Variants in GRIN2B observed in about 807,000 individuals in gnomAD.
GRIN2B encodes glutamate receptor ionotropic, NMDA 2B.
In GRIN2B, 5 loss-of-function variants were observed where a neutral mutation model predicts 114.5. The ratio of observed to expected loss-of-function variants is 0.04; its 90% CI spans 0.02 to 0.09. The LOEUF is 0.09. Ranked by LOEUF, GRIN2B falls within the 10% of genes least tolerant of loss-of-function variation. The probability of loss-of-function intolerance (pLI) is 1.00; values close to 1 mark genes in which losing one functional copy is unlikely to be tolerated. For missense variants in GRIN2B, 1,108 were observed against 1,943.5 expected, an observed-to-expected ratio of 0.57 and a Z score of 8.08; for synonymous variants, 787 against 745.1, an observed-to-expected ratio of 1.06 and a Z score of -0.92.
intron 2 of GRIN2B, among the ~76,000 whole-genome samples, chr12:13,878,406 G>C (rs1397429068): frequency 6.6e-6 from 1 of 152,200 alleles, no homozygotes; most frequent in African/African-American, 2.4e-5. Flanking sequence ...GGGGCCACGG[G>C]TGGTGGTAGC....
chr12:13,884,610 C>A (rs1866123874), intron 2 of GRIN2B, among the ~76,000 whole-genome samples: 1 of 152,046 alleles, frequency 6.6e-6, no homozygotes, highest in Non-Finnish European at 1.5e-5. Flanking sequence ...TCCAATAACA[C>A]TGGCTAGGAC....
chr12:13,922,395 C>T (rs1336573064), intron 2 of GRIN2B, among the ~76,000 whole-genome samples: 1 of 152,134 alleles, frequency 6.6e-6, no homozygotes, highest in African/African-American at 2.4e-5. Flanking sequence ...GTCTTCCAAA[C>T]TGAATTGTTA....
chr12:13,759,002 T>G (rs1342168439), intron 3 of GRIN2B, among the ~76,000 whole-genome samples: 2 of 102,768 alleles, frequency 1.9e-5, no homozygotes, highest in African/African-American at 3.2e-5. Flanking sequence ...AGTTCAATTT[T>G]TTTTTTTTTT....
intron 4 of GRIN2B, among the ~76,000 whole-genome samples, chr12:13,733,469 G>A (rs773954946): frequency 6.6e-6 from 1 of 152,068 alleles, no homozygotes; most frequent in African/African-American, 2.4e-5. Context: ...ACTGAGGCAA[G>A]GAGAATATAA....
chr12:13,672,155 T>C (rs1950028371), intron 5 of GRIN2B, among the ~76,000 whole-genome samples: 1 of 152,130 alleles, frequency 6.6e-6, no homozygotes. Context: ...CAAGGAGATT[T>C]TGCAGTCCCA....
intron 3 of GRIN2B, among the ~76,000 whole-genome samples, chr12:13,860,784 T>C (rs1291427705): frequency 3.3e-5 from 5 of 152,208 alleles, no homozygotes; most frequent in Non-Finnish European, 7.3e-5. Flanking sequence ...ATCCTGACCC[T>C]TTACTCAGCA....
intron 4 of GRIN2B, among the ~76,000 whole-genome samples, chr12:13,751,885 G>C (rs1314549087): frequency 6.6e-6 from 1 of 152,144 alleles, no homozygotes; most frequent in African/African-American, 2.4e-5. Context: ...CATAAAACAG[G>C]AGTGTGCTAA....
At chr12:13,965,727 C>G (rs1451326269) in intron 2 of GRIN2B, among the ~76,000 whole-genome samples, 1 of 152,078 alleles carries the variant, frequency 6.6e-6, no homozygotes, top group Non-Finnish European at 1.5e-5. Flanking sequence ...ATTTCCTAAT[C>G]ATCTTTTCTA....
chr12:13,947,208 C>G (rs1398394657), intron 2 of GRIN2B, among the ~76,000 whole-genome samples: 1 of 152,174 alleles, frequency 6.6e-6, no homozygotes. Context: ...ACACTTTAGA[C>G]CTGTTGCTTT....
At chr12:13,963,887 A>G (rs1867742881) in intron 2 of GRIN2B, among the ~76,000 whole-genome samples, 1 of 152,226 alleles carries the variant, frequency 6.6e-6, no homozygotes, top group South Asian at 2.1e-4. Flanking sequence ...CTTGGCACCC[A>G]GGACAAAATA....
chr12:13,668,811 T>A (rs1949999069), intron 5 of GRIN2B, among the ~76,000 whole-genome samples: 1 of 151,834 alleles, frequency 6.6e-6, no homozygotes, highest in Non-Finnish European at 1.5e-5. Context: ...GTTTTGTTTT[T>A]CCCAGCCACC....
chr12:13,549,092 C>A lies in GRIN2B; in HGVS notation c.*13691G>T, dbSNP rs1462841674. The A allele has an allele frequency of 1.3e-5, 2 of 152,066 alleles. No homozygotes were observed. The highest frequency in any genetic ancestry group is 4.8e-5 in the African/African-American group (2 of 41,404). The allele number at this position is 152,066 out of a possible 1,614,324, so 9.4% of individuals were successfully genotyped here. A position where few individuals can be genotyped will look rare whatever the true frequency, so the allele number is the denominator to read the frequency against. On this transcript the variant is annotated 3_prime_UTR_variant, in exon 14 of 14. Coordinates refer to ENST00000609686, the MANE Select transcript of GRIN2B (RefSeq NM_000834.5). ...AGCATAATGCTGTGAGCCAAAATTTCTTCTGCAGCCCAAACTAAAGATACT... is the reference window on the plus strand; with the variant it reads ...AGCATAATGCTGTGAGCCAAAATTTATTCTGCAGCCCAAACTAAAGATACT...
intron 2 of GRIN2B, among the ~76,000 whole-genome samples, chr12:13,873,969 G>A (rs1591596958): frequency 6.6e-6 from 1 of 152,194 alleles, no homozygotes; most frequent in East Asian, 1.9e-4. Context: ...ATGGGAGAGA[G>A]GGAAAAGACA....
At chr12:13,955,712 A>G (rs189344485) in intron 2 of GRIN2B, among the ~76,000 whole-genome samples, 222 of 152,270 alleles carry the variant, frequency 1.5e-3, no homozygotes, top group African/African-American at 5.2e-3. Context: ...ATGGCATACA[A>G]TACTTTGAAA....
intron 11 of GRIN2B, among the ~76,000 whole-genome samples, chr12:13,570,444 T>C (rs1467655149): frequency 2.6e-5 from 4 of 152,208 alleles, no homozygotes; most frequent in Non-Finnish European, 5.9e-5. Flanking sequence ...TGTAGGTGTT[T>C]GTGTTTCAAT....
intron 3 of GRIN2B, among the ~76,000 whole-genome samples, chr12:13,793,736 T>A (rs753110527): frequency 2.6e-5 from 4 of 152,206 alleles, no homozygotes; most frequent in Non-Finnish European, 4.4e-5. Context: ...TCTCCATATT[T>A]TGACCCCTTA....
intron 3 of GRIN2B, among the ~76,000 whole-genome samples, chr12:13,857,056 CA>C (rs1865673596): frequency 6.6e-6 from 1 of 152,122 alleles, no homozygotes; most frequent in South Asian, 2.1e-4. Flanking sequence ...TGCAGAAGGT[CA>C]AGAACAACTT....
At chr12:13,868,744 T>A (rs1313908508) in intron 2 of GRIN2B, among the ~76,000 whole-genome samples, 1 of 152,250 alleles carries the variant, frequency 6.6e-6, no homozygotes, top group African/African-American at 2.4e-5. Flanking sequence ...TATATTTGGC[T>A]ATGCAGTGGC....
intron 4 of GRIN2B, among the ~76,000 whole-genome samples, chr12:13,731,817 ACT>A (rs201303277): frequency 0.016 from 2,368 of 152,120 alleles, 67 homozygotes; most frequent in African/African-American, 0.054. Flanking sequence ...ATCTTGATTT[ACT>A]CTTTCCCCAT....
Sources: gnomAD v4.1 joint callset for allele counts (sites outside exome capture counted in the v4.1 genomes callset) on GRCh38, gnomAD v4.1.1 for gene constraint, MANE v1.5 for transcripts, NCBI Gene and HGNC (gene_info 2026-07-23, HGNC 2026-07-21) for gene names.